The following HERC6 variants were observed in gnomAD, a reference collection of about 807,000 sequenced individuals.
HERC6 encodes the protein probable E3 ubiquitin-protein ligase HERC6.
In HERC6, 101 loss-of-function variants were observed where a neutral mutation model predicts 114.5. That is an observed-to-expected ratio of 0.88 (90% CI 0.75 to 1.04). HERC6 has a LOEUF of 1.04. Among genes scored for constraint, HERC6 ranks in the 50% least tolerant of loss-of-function variants. The probability of loss-of-function intolerance (pLI) is 0.00; values close to 1 mark genes in which losing one functional copy is unlikely to be tolerated. For missense variants in HERC6, 1,133 were observed against 1,230.9 expected (o/e 0.92, Z 1.19); for synonymous variants, 408 against 436.2 (o/e 0.94, Z 0.81).
chr4:88,390,911 C>A, intron 4 of HERC6, 32 bp downstream of exon 4: 1 of 1,550,280 alleles, frequency 6.5e-7, no homozygotes, highest in South Asian at 1.2e-5. Flanking sequence ...TGCAGTAAAT[C>A]ATTCTTTCTT....
intron 5 of HERC6, among the ~76,000 whole-genome samples, chr4:88,394,551 T>C (rs563270400): frequency 6.7e-6 from 1 of 149,508 alleles, no homozygotes; most frequent in African/African-American, 2.5e-5. Context: ...ATTATTATTA[T>C]TATTATTTTT....
chr4:88,424,627 C>T lies in HERC6; in HGVS notation c.1860C>T (p.Phe620=), dbSNP rs1737415465. ...CAGAAACCCCCAGTCCTGTTATTTTCAGTGATTTTCCATTTATCTTTAATT... is the reference window on the plus strand; with the variant it reads ...CAGAAACCCCCAGTCCTGTTATTTTTAGTGATTTTCCATTTATCTTTAATT... The part of the protein sequence containing the change: ...IPAETPSPVI[F]SDFPFIFNSL... The change falls in exon 15 of 23, where the codon TTC becomes TTT. Residue 620 remains phenylalanine (F), a synonymous_variant. Coordinates refer to ENST00000264346, the MANE Select transcript of HERC6 (RefSeq NM_017912.4). 6.2e-7 allele frequency: 1 copy of T among 1,610,704 alleles called. No individual in the cohort carries two copies. Among genetic ancestry groups the T allele is most frequent in the Middle Eastern group, 1.7e-4 (1 of 6,052 alleles).
At chr4:88,412,168 A>G (rs1736142490) in intron 11 of HERC6, among the ~76,000 whole-genome samples, 2 of 152,248 alleles carry the variant, frequency 1.3e-5, no homozygotes, top group African/African-American at 4.8e-5. Flanking sequence ...ATTACCTTAC[A>G]GGATTATCAG....
At chr4:88,442,053 G>A (rs1326436367) in intron 22 of HERC6, among the ~76,000 whole-genome samples, 181 bp from the exon 23 acceptor site, 1 of 152,148 alleles carries the variant, frequency 6.6e-6, no homozygotes. Context: ...ACTACACCAT[G>A]AACTCATTGA....
intron 3 of HERC6, among the ~76,000 whole-genome samples, chr4:88,389,879 T>C (rs557203130): frequency 2.6e-5 from 4 of 152,060 alleles, no homozygotes; most frequent in Non-Finnish European, 4.4e-5. Flanking sequence ...CTGTAGTATC[T>C]GAGAAAGTCA....
intron 18 of HERC6, among the ~76,000 whole-genome samples, chr4:88,436,435 G>C (rs1273112865): frequency 3.3e-5 from 5 of 152,192 alleles, no homozygotes; most frequent in East Asian, 3.8e-4. Flanking sequence ...ATGTGTGCTG[G>C]AGCAGGGGTT....
At chr4:88,391,840 CCT>C (rs1734933327) in intron 4 of HERC6, among the ~76,000 whole-genome samples, 1 of 152,206 alleles carries the variant, frequency 6.6e-6, no homozygotes, top group Non-Finnish European at 1.5e-5. Context: ...ACAGTTAACA[CCT>C]AACCTGTGCC....
intron 8 of HERC6, among the ~76,000 whole-genome samples, 199 bp from the exon 9 acceptor site, chr4:88,404,677 C>G (rs969641259): frequency 4.0e-5 from 6 of 150,944 alleles, no homozygotes; most frequent in African/African-American, 1.5e-4. Flanking sequence ...AATGATGAAA[C>G]TAAGGCTCAG....
chr4:88,396,905 T>C lies in HERC6; in HGVS notation c.942T>C (p.His314=), dbSNP rs781330748. The change falls in exon 7 of 23, where the codon CAT becomes CAC. Residue 314 remains histidine, a synonymous_variant. Transcript: ENST00000264346. ...CTGGTCAGGTGGTATCTTTTGGTCA[T>C]GGACCAAGTGACACAAGCAAGCCAA... is the stretch of plus-strand genomic sequence containing the variant. ...HTTGQVVSFG[H]GPSDTSKPTH... is the part of the protein sequence containing the mutation. 2 of 1,611,088 alleles carry C rather than the reference T, an allele frequency of 1.2e-6. No homozygotes were observed. Among genetic ancestry groups the C allele is most frequent in the East Asian group, 2.2e-5 (1 of 44,768 alleles).
chr4:88,435,404 G>A (rs1010413469), intron 17 of HERC6, among the ~76,000 whole-genome samples: 2 of 151,956 alleles, frequency 1.3e-5, no homozygotes, highest in Admixed American at 6.6e-5. Flanking sequence ...TATTCTACAT[G>A]AATCTGAAGG....
intron 11 of HERC6, among the ~76,000 whole-genome samples, chr4:88,410,834 G>A (rs1736057745): frequency 6.6e-6 from 1 of 152,158 alleles, no homozygotes; most frequent in Non-Finnish European, 1.5e-5. Flanking sequence ...ATTTTATGGA[G>A]ACAAATGGAA....
chr4:88,403,939 C>G (rs1365211679), intron 8 of HERC6, among the ~76,000 whole-genome samples: 1 of 152,036 alleles, frequency 6.6e-6, no homozygotes, highest in African/African-American at 2.4e-5. Context: ...TCAACTGTCA[C>G]CATTATCCAT....
chr4:88,405,657 A>G, intron 10 of HERC6, 44 bp downstream of exon 10: 2 of 1,042,218 alleles, frequency 1.9e-6, no homozygotes, highest in Non-Finnish European at 2.8e-6. Context: ...ACACTGGAAA[A>G]TATTTAAAAT....
At chr4:88,425,516 T>C (rs550334007) in intron 15 of HERC6, among the ~76,000 whole-genome samples, 1 of 152,326 alleles carries the variant, frequency 6.6e-6, no homozygotes, top group South Asian at 2.1e-4. Flanking sequence ...TGTTCTTAAG[T>C]GCTAATCTTT....
intron 5 of HERC6, among the ~76,000 whole-genome samples, chr4:88,395,654 A>G (rs1016755277): frequency 6.6e-6 from 1 of 152,114 alleles, no homozygotes; most frequent in African/African-American, 2.4e-5. Context: ...TACATCACCA[A>G]GGTGCCCAGT....
At chr4:88,404,193 CTTTT>C (rs202005015) in intron 8 of HERC6, among the ~76,000 whole-genome samples, 5 of 137,120 alleles carry the variant, frequency 3.6e-5, no homozygotes, top group Non-Finnish European at 1.6e-5. Context: ...AATTTCATTT[CTTTT>C]TTTTTTTTTT....
At chr4:88,428,851 T>C (rs1737904483) in intron 16 of HERC6, 101 bp downstream of exon 16, 4 of 986,798 alleles carry the variant, frequency 4.1e-6, no homozygotes, top group South Asian at 4.9e-5. Flanking sequence ...TTTGCCTCTA[T>C]GGTTATCAAT....
intron 20 of HERC6, among the ~76,000 whole-genome samples, chr4:88,438,792 C>A (rs1156859361): frequency 6.6e-6 from 1 of 152,118 alleles, no homozygotes; most frequent in African/African-American, 2.4e-5. Flanking sequence ...ATGTGTGTCC[C>A]CTCCCCTCCC....
At chr4:88,383,471 A>G (rs1734421666) in intron 2 of HERC6, 91 bp downstream of exon 2, 3 of 1,032,526 alleles carry the variant, frequency 2.9e-6, no homozygotes, top group Admixed American at 3.7e-5. Flanking sequence ...AAAGACGACT[A>G]TGACAGGCCA....
Sources: gnomAD v4.1 joint callset for allele counts (sites outside exome capture counted in the v4.1 genomes callset) on GRCh38, gnomAD v4.1.1 for gene constraint, MANE v1.5 for transcripts, NCBI Gene and HGNC (gene_info 2026-07-23, HGNC 2026-07-21) for gene names.